Variants in KCNJ12 observed in about 807,000 individuals in gnomAD.
KCNJ12 encodes the protein ATP-sensitive inward rectifier potassium channel 12.
KCNJ12 carries 2 observed loss-of-function variants against 22.3 expected under a neutral mutation model. The ratio of observed to expected loss-of-function variants is 0.09; its 90% CI spans 0.04 to 0.28. The LOEUF (loss-of-function observed/expected upper bound fraction) is 0.28. Among genes scored for constraint, KCNJ12 ranks in the 10% least tolerant of loss-of-function variants. The probability of loss-of-function intolerance (pLI) is 1.00; values close to 1 mark genes in which losing one functional copy is unlikely to be tolerated. For missense variants in KCNJ12, 155 were observed against 633.3 expected, an observed-to-expected ratio of 0.24 and a Z score of 8.11; for synonymous variants, 117 against 261.4, an observed-to-expected ratio of 0.45 and a Z score of 5.33.
intron 1 of KCNJ12, among the ~76,000 whole-genome samples, chr17:21,400,350 C>T (rs1367907826): frequency 1.3e-5 from 2 of 152,304 alleles, no homozygotes. Context: ...GCTCTTGTTT[C>T]CAGCCCTGTT....
At chr17:21,387,531 T>A (rs1905108701) in intron 1 of KCNJ12, among the ~76,000 whole-genome samples, 1 of 150,994 alleles carries the variant, frequency 6.6e-6, no homozygotes. Flanking sequence ...TGTTTTGGCA[T>A]CAGCTACCAG....
At chr17:21,396,566 C>T (rs1402669489) in intron 1 of KCNJ12, among the ~76,000 whole-genome samples, 7 of 152,164 alleles carry the variant, frequency 4.6e-5, no homozygotes, top group Admixed American at 2.0e-4. Flanking sequence ...TGGTTCGCAC[C>T]GGTCTCAGGA....
At chr17:21,391,338 C>T (rs2142054251) in intron 1 of KCNJ12, among the ~76,000 whole-genome samples, 1 of 152,324 alleles carries the variant, frequency 6.6e-6, no homozygotes, top group Admixed American at 6.5e-5. Context: ...CCCCGCCAAA[C>T]TCTGGAGGGG....
chr17:21,408,842 C>T, intron 2 of KCNJ12, among the ~76,000 whole-genome samples: 3 of 152,300 alleles, frequency 2.0e-5, no homozygotes, highest in African/African-American at 4.8e-5. Flanking sequence ...ATCCGTTCCT[C>T]ACCCATTCCC....
chr17:21,413,374 T>TC (rs1228517358), intron 2 of KCNJ12, among the ~76,000 whole-genome samples: 1 of 107,806 alleles, frequency 9.3e-6, no homozygotes, highest in Non-Finnish European at 2.0e-5. Flanking sequence ...AGTGGTGCCA[T>TC]CCCCCCAGGA....
intron 1 of KCNJ12, among the ~76,000 whole-genome samples, chr17:21,400,977 A>G (rs1203035505): frequency 6.6e-6 from 1 of 152,310 alleles, no homozygotes; most frequent in African/African-American, 2.4e-5. Context: ...GCCTGGGGTG[A>G]GCCCAGGCTC....
At chr17:21,393,850 G>A (rs1210931742) in intron 1 of KCNJ12, among the ~76,000 whole-genome samples, 2 of 152,240 alleles carry the variant, frequency 1.3e-5, no homozygotes, top group African/African-American at 4.8e-5. Flanking sequence ...AGTGGCCTGA[G>A]GCTGAGTGCA....
intron 1 of KCNJ12, among the ~76,000 whole-genome samples, chr17:21,394,519 A>G (rs1277093226): frequency 6.6e-6 from 1 of 152,238 alleles, no homozygotes; most frequent in Non-Finnish European, 1.5e-5. Context: ...TCAGGGGCTA[A>G]GTCTGACACA....
rs1907026890 is a variant in KCNJ12 at position 21,419,480 on chromosome 17, G to A, written c.*2836G>A. 1 of 167,188 alleles carries A rather than the reference G, an allele frequency of 6.0e-6. No homozygotes were observed. The highest frequency in any genetic ancestry group is 1.5e-5 in the Non-Finnish European group (1 of 68,196). 10.4% of individuals were successfully genotyped at this position (167,188 alleles called of 1,614,324 possible). On this transcript the variant is annotated 3_prime_UTR_variant, in exon 3 of 3. Transcript: ENST00000583088. ...CCTGATTATGCACGTCTGCTCCTGA[G>A]TGGAGCTTGTGTTCCAGGATGAGAC...
intron 1 of KCNJ12, among the ~76,000 whole-genome samples, chr17:21,406,942 A>T (rs1431877149): frequency 5.4e-4 from 82 of 152,342 alleles, no homozygotes; most frequent in African/African-American, 2.0e-3. Flanking sequence ...GGCACACTGG[A>T]TAGGAAGGCA....
intron 1 of KCNJ12, among the ~76,000 whole-genome samples, chr17:21,388,858 C>T (rs1353267496): frequency 5.3e-5 from 8 of 152,066 alleles, no homozygotes; most frequent in Admixed American, 6.5e-5. Flanking sequence ...AAGAAGGCCC[C>T]GCTGGGCCCC....
At chr17:21,389,977 T>C (rs1555559120) in intron 1 of KCNJ12, among the ~76,000 whole-genome samples, 3 of 152,148 alleles carry the variant, frequency 2.0e-5, no homozygotes, top group Non-Finnish European at 1.5e-5. Context: ...GCTGGGGTGC[T>C]GGTCCCAGAC....
chr17:21,409,005 G>GTT (rs1480726773), intron 2 of KCNJ12, among the ~76,000 whole-genome samples: 1 of 152,304 alleles, frequency 6.6e-6, no homozygotes, highest in Non-Finnish European at 1.5e-5. Context: ...TTCAATCACT[G>GTT]TTCCACCCAT....
intron 1 of KCNJ12, among the ~76,000 whole-genome samples, chr17:21,380,460 T>C (rs1196387739): frequency 6.6e-6 from 1 of 152,094 alleles, no homozygotes; most frequent in Non-Finnish European, 1.5e-5. Flanking sequence ...TTGGACAGAC[T>C]CAGGGGGGCA....
chr17:21,379,857 G>C (rs1166330806), intron 1 of KCNJ12, among the ~76,000 whole-genome samples: 4 of 152,102 alleles, frequency 2.6e-5, no homozygotes, highest in Non-Finnish European at 5.9e-5. Flanking sequence ...CAGGACCAGA[G>C]CCCCCGCTGG....
At chr17:21,403,964 G>A (rs1363113621) in intron 1 of KCNJ12, among the ~76,000 whole-genome samples, 2 of 152,258 alleles carry the variant, frequency 1.3e-5, no homozygotes, top group Non-Finnish European at 2.9e-5. Flanking sequence ...GCTCCCCATT[G>A]CCTTTGGGAT....
chr17:21,397,549 C>T (rs899022866), intron 1 of KCNJ12, among the ~76,000 whole-genome samples: 8 of 152,302 alleles, frequency 5.3e-5, no homozygotes, highest in Middle Eastern at 6.8e-3. Context: ...GGCCTGGGGA[C>T]GGGAAGGAGA....
At chr17:21,414,961 G>T (rs1906609596) in intron 2 of KCNJ12, among the ~76,000 whole-genome samples, 1 of 152,420 alleles carries the variant, frequency 6.6e-6, no homozygotes, top group East Asian at 1.9e-4. Context: ...CTGGCAAGTT[G>T]TGCCCCGAAC....
Position 21,376,578 on chromosome 17 carries a change from G to A in KCNJ12, c.-514G>A, listed in dbSNP as rs975352544. ...GCGCCGGGGCGTAGGGGAGCGCGCC[G>A]GGCCCTGCCCGAGATCAGATAACAG... is the stretch of plus-strand genomic sequence containing the variant. On this transcript the variant is annotated 5_prime_UTR_variant, in exon 1 of 3. Coordinates refer to ENST00000583088, the MANE Select transcript of KCNJ12 (RefSeq NM_021012.5). This position sits in a 1 kb window ranked among gnomAD's most constrained non-coding sequence, Gnocchi z 5.3. The A allele has an allele frequency of 2.0e-5, 3 of 151,904 alleles. No individual in the cohort carries two copies. Among genetic ancestry groups the A allele is most frequent in the African/African-American group, 7.2e-5 (3 of 41,392 alleles). 9.4% of individuals were successfully genotyped at this position (151,904 alleles called of 1,614,324 possible).
Sources: gnomAD v4.1 joint callset for allele counts (sites outside exome capture counted in the v4.1 genomes callset) on GRCh38, gnomAD v4.1.1 for gene constraint, Gnocchi (gnomAD v3.1) non-coding constraint, MANE v1.5 for transcripts, NCBI Gene and HGNC (gene_info 2026-07-23, HGNC 2026-07-21) for gene names.